Variants in PPFIA3 observed in about 807,000 individuals in gnomAD.
The protein encoded by PPFIA3 is liprin-alpha-3.
In PPFIA3, 26 loss-of-function variants were observed where a neutral mutation model predicts 145.8. The ratio of observed to expected loss-of-function variants is 0.18; its 90% CI spans 0.13 to 0.25. PPFIA3 has a LOEUF of 0.25. Ranked by LOEUF, PPFIA3 falls within the 10% of genes least tolerant of loss-of-function variation. The probability of loss-of-function intolerance (pLI) is 1.00; values close to 1 mark genes in which losing one functional copy is unlikely to be tolerated. For synonymous variants in PPFIA3, 645 were observed against 661.4 expected, an observed-to-expected ratio of 0.98 and a Z score of 0.38; for missense variants, 1,008 against 1,587.8, an observed-to-expected ratio of 0.63 and a Z score of 6.21.
chr19:49,127,103 G>A (rs1037569249), intron 1 of PPFIA3, among the ~76,000 whole-genome samples: 33 of 144,200 alleles, frequency 2.3e-4, no homozygotes, highest in African/African-American at 8.6e-4. Context: ...AAAAAAAAAG[G>A]TCAGGCGCGG....
At chr19:49,142,700 C>A in intron 20 of PPFIA3, 104 bp from the exon 21 acceptor site, 1 of 1,016,820 alleles carries the variant, frequency 9.8e-7, no homozygotes, top group Non-Finnish European at 1.5e-6. Context: ...CTCTGTTTCG[C>A]TCCCCACCCC....
At position 49,130,133 on chromosome 19, in the gene PPFIA3, A is replaced by G; in HGVS notation, c.657+66A>G. The stretch of plus-strand genomic sequence containing the variant: ...TCCCTGACTTTGTGATAGTGTTTGT[A>G]ACGTTTGGTATCATCCTCACTGGCC... On this transcript the variant is annotated intron_variant, in intron 6 of 29. Transcript: ENST00000334186. This position sits in a 1 kb window ranked among gnomAD's most constrained non-coding sequence, Gnocchi z 4.5. 6.6e-7 allele frequency: 1 copy of G among 1,508,124 alleles called. No homozygotes were observed. Among genetic ancestry groups the G allele is most frequent in the South Asian group, 1.2e-5 (1 of 85,368 alleles). The allele number at this position is 1,508,124 out of a possible 1,614,324, so 93.4% of individuals were successfully genotyped here.
intron 16 of PPFIA3, among the ~76,000 whole-genome samples, chr19:49,138,800 A>C (rs1045167854): frequency 1.7e-4 from 26 of 151,770 alleles, no homozygotes; most frequent in Non-Finnish European, 2.8e-4. Context: ...TGAAACCCCC[A>C]CCTCTACTAA....
chr19:49,136,351 C>T (rs1000353470), intron 14 of PPFIA3, among the ~76,000 whole-genome samples: 1 of 152,178 alleles, frequency 6.6e-6, no homozygotes, highest in Non-Finnish European at 1.5e-5. Flanking sequence ...AATCCCAACA[C>T]TTGCTGGCGC....
At chr19:49,148,043 C>T in intron 23 of PPFIA3, 40 bp from the exon 24 acceptor site, 1 of 1,581,420 alleles carries the variant, frequency 6.3e-7, no homozygotes, top group East Asian at 2.2e-5. Context: ...GGGAAGGGGC[C>T]AGAGGGCCTG....
Position 49,147,858 on chromosome 19 carries a change from C to T in PPFIA3, c.2836-225C>T, listed in dbSNP as rs112592092. On this transcript the variant is annotated intron_variant, in intron 23 of 29. Transcript: ENST00000334186. ...CCAGCAAGTCCACAGGTGATGGTGACGCTCTAGGTCTCAGGACAACTGTTT... is the reference window on the plus strand; with the variant it reads ...CCAGCAAGTCCACAGGTGATGGTGATGCTCTAGGTCTCAGGACAACTGTTT... Among the ~76,000 whole-genome samples the T allele has an allele frequency of 2.7e-3, 412 of 152,346 alleles. 2 individuals carry two copies. Among genetic ancestry groups the T allele is most frequent in the African/African-American group, 9.5e-3 (396 of 41,574 alleles).
In PPFIA3 at chr19:49,142,033, G is replaced by A; in HGVS notation, c.2463-1G>A. Reference sequence around the variant, plus strand: ...CTATCCTGGCCCCTTCACCCTTACAGGCATGAACTCCTGGAGGAGGCCTGC... The same window carrying A: ...CTATCCTGGCCCCTTCACCCTTACAAGCATGAACTCCTGGAGGAGGCCTGC... On this transcript the variant is annotated splice_acceptor_variant, in intron 19 of 29. Transcript: ENST00000334186. LOFTEE classifies it high-confidence loss of function. The A allele has an allele frequency of 6.4e-7, 1 of 1,563,824 alleles. No homozygotes were observed. The highest frequency in any genetic ancestry group is 8.7e-7 in the Non-Finnish European group (1 of 1,153,516).
rs756596119 is a variant in PPFIA3, at chr19:49,134,096, G to T, written c.1308G>T (p.Lys436Asn). The change falls in exon 11 of 30, where the codon AAG becomes AAT. Residue 436 changes from lysine (K) to asparagine (N), a missense_variant. By Grantham distance (94) the Lys-to-Asn change is moderately conservative. Coordinates refer to ENST00000334186, the MANE Select transcript of PPFIA3 (RefSeq NM_003660.4). ...HNKRLSETVD[K>N]LLSESNERLQ... Reference sequence around the variant, plus strand: ...AGCGGCTGTCCGAGACGGTGGACAAGCTGCTGAGCGAGTCCAACGAGCGCT... The same window carrying T: ...AGCGGCTGTCCGAGACGGTGGACAATCTGCTGAGCGAGTCCAACGAGCGCT... 1.2e-6 allele frequency: 2 copies of T among 1,613,980 alleles called. No individual in the cohort carries two copies.
At chr19:49,126,560 CTT>C (rs762895281) in intron 1 of PPFIA3, among the ~76,000 whole-genome samples, 99 of 118,804 alleles carry the variant, frequency 8.3e-4, no homozygotes, top group East Asian at 8.2e-3. Flanking sequence ...CCTGGCCTTG[CTT>C]TTTTTTTTTT....
chr19:49,135,969 G>A (rs2041133016), intron 14 of PPFIA3, 46 bp downstream of exon 14: 1 of 1,514,962 alleles, frequency 6.6e-7, no homozygotes, highest in East Asian at 2.4e-5. Flanking sequence ...GCTTGGGCGG[G>A]CAGCTGTAGG....
At chr19:49,141,596 G>A (rs2041223777) in intron 19 of PPFIA3, 83 bp downstream of exon 19, 8 of 1,100,126 alleles carry the variant, frequency 7.3e-6, no homozygotes, top group Middle Eastern at 2.0e-4. Flanking sequence ...GTATGTGTGT[G>A]TATGAGTGTG....
Position 49,120,814 on chromosome 19 carries a change from G to T in PPFIA3, c.-16+1092G>T, listed in dbSNP as rs963588591. Among the ~76,000 whole-genome samples the T allele has an allele frequency of 6.6e-6, 1 of 152,084 alleles. No homozygotes were observed. The highest frequency in any genetic ancestry group is 1.5e-5 in the Non-Finnish European group (1 of 68,010). ...CCCAGGAGTTCAGACCCCAGCTTCC[G>T]TACTGCCCACCAGCTTTTACTGAGG... On this transcript the variant is annotated intron_variant, in intron 1 of 29. Coordinates refer to ENST00000334186, the MANE Select transcript of PPFIA3 (RefSeq NM_003660.4). The surrounding 1 kb of genome is among the most constrained non-coding windows in gnomAD (Gnocchi z 4.6).
chr19:49,123,899 C>G (rs2040966423), intron 1 of PPFIA3, among the ~76,000 whole-genome samples: 1 of 152,146 alleles, frequency 6.6e-6, no homozygotes, highest in Non-Finnish European at 1.5e-5. Flanking sequence ...GTTTTCTCCT[C>G]CATCTGCCAC....
chr19:49,135,018 A>G, intron 13 of PPFIA3, 103 bp downstream of exon 13: 1 of 961,300 alleles, frequency 1.0e-6, no homozygotes. Context: ...GAGACTTCTG[A>G]CCCCTCTGTT....
At chr19:49,145,139 C>T (rs559947595) in intron 21 of PPFIA3, among the ~76,000 whole-genome samples, 7 of 152,142 alleles carry the variant, frequency 4.6e-5, no homozygotes, top group African/African-American at 1.7e-4. Flanking sequence ...CCAACGTTGG[C>T]CAGGCTGGTC....
chr19:49,125,982 C>G (rs2040993222), intron 1 of PPFIA3, among the ~76,000 whole-genome samples: 1 of 151,164 alleles, frequency 6.6e-6, no homozygotes, highest in Non-Finnish European at 1.5e-5. Flanking sequence ...GACTGGGTCT[C>G]TCTATATCGC....
intron 25 of PPFIA3, 86 bp from the exon 26 acceptor site, chr19:49,148,907 G>A (rs1028098362): frequency 5.7e-6 from 9 of 1,585,134 alleles, no homozygotes; most frequent in South Asian, 2.3e-5. Context: ...GTGGCCCGAA[G>A]AGACCAAATG....
rs1373765915 is a variant in PPFIA3, at chr19:49,145,706, A to G, written c.2746-237A>G. On this transcript the variant is annotated intron_variant, in intron 21 of 29. Coordinates refer to ENST00000334186, the MANE Select transcript of PPFIA3 (RefSeq NM_003660.4). ...TGACGTCATTTGCACAGGGCCACAC[A>G]GCAAAATGCATGGCAGGGTCCCAAT... 1.1e-5 allele frequency: 6 copies of G among 562,276 alleles called. No homozygotes were observed. The East Asian group carries it at 1.8e-4, about 17-fold the overall frequency. The allele number at this position is 562,276 out of a possible 1,614,324, so 34.8% of individuals were successfully genotyped here. A position where few individuals can be genotyped will look rare whatever the true frequency, so the allele number is the denominator to read the frequency against.
In PPFIA3 at chr19:49,128,569, C is replaced by T. The variant is rs1306209922; in HGVS notation, c.342+101C>T. 1.6e-5 allele frequency: 18 copies of T among 1,120,300 alleles called. No homozygotes were observed. In the East Asian group the frequency reaches 3.8e-4, roughly 24 times the overall value. 69.4% of individuals were successfully genotyped at this position (1,120,300 alleles called of 1,614,324 possible). ...TGTTGCAGCGTGACCTATTTTTTTC[C>T]CCCATCTCGCCTTTCTGTCTTCTCC... On this transcript the variant is annotated intron_variant, in intron 3 of 29. Transcript: ENST00000334186. The surrounding 1 kb of genome is among the most constrained non-coding windows in gnomAD (Gnocchi z 4.1).
Sources: gnomAD v4.1 joint callset for allele counts (sites outside exome capture counted in the v4.1 genomes callset) on GRCh38, gnomAD v4.1.1 for gene constraint, Gnocchi (gnomAD v3.1) non-coding constraint, MANE v1.5 for transcripts, NCBI Gene and HGNC (gene_info 2026-07-23, HGNC 2026-07-21) for gene names.